The following LARP7 variants were observed in gnomAD, a reference collection of about 807,000 sequenced individuals.
The protein encoded by LARP7 is La ribonucleoprotein 7, transcriptional regulator, also known as la-related protein 7.
In LARP7, 52 loss-of-function variants were observed where a neutral mutation model predicts 69.3. The ratio of observed to expected loss-of-function variants is 0.75; its 90% confidence interval spans 0.60 to 0.95. LARP7 has a LOEUF of 0.95. Among genes scored for constraint, LARP7 ranks in the 40% least tolerant of loss-of-function variants. The probability of loss-of-function intolerance (pLI) is 0.00; values close to 1 mark genes in which losing one functional copy is unlikely to be tolerated. For missense variants in LARP7, 733 were observed against 673.0 expected, an observed-to-expected ratio of 1.09 and a Z score of -0.99; for synonymous variants, 254 against 215.9, an observed-to-expected ratio of 1.18 and a Z score of -1.55.
In LARP7 at chr4:112,646,636, A is replaced by G; in HGVS notation, c.352A>G (p.Arg118Gly). 1 of 1,605,274 alleles carries G rather than the reference A, an allele frequency of 6.2e-7. No individual in the cohort carries two copies. Among genetic ancestry groups the G allele is most frequent in the Non-Finnish European group, 8.5e-7 (1 of 1,175,322 alleles). The change falls in exon 4 of 13, where the codon AGA becomes GGA. Residue 118 changes from arginine to glycine, a missense_variant. By Grantham distance (125) the Arg-to-Gly change is moderately radical. Coordinates refer to ENST00000344442, the MANE Select transcript of LARP7 (RefSeq NM_016648.4). ...CCGGAGGAAAAAACCTCTGGGGGAA[A>G]GACCAAAGGATGAGGATGAACGCAC... ...RIRRKKPLGE[R>G]PKDEDERTVY...
chr4:112,651,105 G>A (rs2048711344), intron 10 of LARP7, among the ~76,000 whole-genome samples: 1 of 152,078 alleles, frequency 6.6e-6, no homozygotes, highest in Non-Finnish European at 1.5e-5. Flanking sequence ...ATACTTTTAG[G>A]TGAGAGTACC....
chr4:112,645,805 A>T (rs960192129), intron 2 of LARP7: 2 of 342,516 alleles, frequency 5.8e-6, no homozygotes, highest in African/African-American at 4.3e-5. Flanking sequence ...GCATTGAGCC[A>T]CCATCCCCAG....
intron 2 of LARP7, 116 bp from the exon 3 acceptor site, chr4:112,646,235 A>G (rs1578578784): frequency 3.8e-6 from 2 of 531,582 alleles, no homozygotes; most frequent in Non-Finnish European, 6.7e-6. Context: ...CTCCCAAAGT[A>G]CTAGGATTAC....
chr4:112,653,848 A>G (rs1013858036), intron 11 of LARP7, among the ~76,000 whole-genome samples: 3 of 152,134 alleles, frequency 2.0e-5, no homozygotes, highest in Admixed American at 2.0e-4. Flanking sequence ...ACCTCTGGTG[A>G]TCCTCCCTCC....
intron 4 of LARP7, 53 bp downstream of exon 4, chr4:112,646,724 ATTAAG>A (rs1205427666): frequency 6.4e-7 from 1 of 1,551,726 alleles, no homozygotes; most frequent in Non-Finnish European, 8.7e-7. Context: ...AAACAATATA[ATTAAG>A]TTAAAAATTT....
chr4:112,648,437 CT>C, intron 8 of LARP7: 1 of 534,488 alleles, frequency 1.9e-6, no homozygotes, highest in Admixed American at 1.9e-5. Context: ...AAGGGGATCC[CT>C]TCAAATGAGG....
At chr4:112,646,316 A>AGATGGGGTT (rs2048233599) in intron 2 of LARP7, 35 bp from the exon 3 acceptor site, 1 of 1,057,234 alleles carries the variant, frequency 9.5e-7, no homozygotes, top group Non-Finnish European at 1.4e-6. Context: ...AATCCTGCTG[A>AGATGGGGTT]TACACTAACA....
chr4:112,644,512 T>A, intron 1 of LARP7, 156 bp from the exon 2 acceptor site: 3 of 1,054,630 alleles, frequency 2.8e-6, no homozygotes, highest in Non-Finnish European at 3.8e-6. Flanking sequence ...AAATTTAATT[T>A]ATTAAATATA....
At chr4:112,657,149 A>T in intron 12 of LARP7, 98 bp from the exon 13 acceptor site, 1 of 519,316 alleles carries the variant, frequency 1.9e-6, no homozygotes, top group Non-Finnish European at 3.1e-6. Flanking sequence ...GATAGCTGTG[A>T]AATTTTTTCT....
chr4:112,643,164 C>G (rs1043236672), intron 1 of LARP7, among the ~76,000 whole-genome samples: 9 of 152,042 alleles, frequency 5.9e-5, no homozygotes, highest in Non-Finnish European at 7.4e-5. Flanking sequence ...GAAGGATAAA[C>G]AACAAAGAAA....
intron 8 of LARP7, among the ~76,000 whole-genome samples, chr4:112,649,057 A>C (rs2048567630): frequency 6.6e-6 from 1 of 152,126 alleles, no homozygotes; most frequent in Non-Finnish European, 1.5e-5. Flanking sequence ...CTGTTTGAAG[A>C]AGCATCTACA....
intron 10 of LARP7, 142 bp from the exon 11 acceptor site, chr4:112,652,935 T>C (rs185215764): frequency 4.3e-6 from 2 of 461,396 alleles, no homozygotes; most frequent in African/African-American, 4.0e-5. Context: ...ACAGGAAATA[T>C]TTGATACAGG....
chr4:112,644,841 C>T lies in LARP7; in HGVS notation c.172C>T (p.Arg58Ter). ...AAATCTTCACAAGGATAGATTTCTT[C>T]GAGAACAGATAGAAAAATCTAGAGA... ...DANLHKDRFL[R>*]EQIEKSRDGY... is the part of the protein sequence containing the mutation. The change falls in exon 2 of 13, where the codon CGA becomes TGA. Residue 58 changes from arginine to a stop codon, truncating the protein, a stop_gained. Coordinates refer to ENST00000344442, the MANE Select transcript of LARP7 (RefSeq NM_016648.4). LOFTEE classifies it high-confidence loss of function. 5.0e-6 allele frequency: 8 copies of T among 1,590,552 alleles called. No homozygotes were observed. Among genetic ancestry groups the T allele is most frequent in the South Asian group, 2.3e-5 (2 of 87,618 alleles).
At position 112,646,938 on chromosome 4, in the gene LARP7, G is replaced by T; in HGVS notation, c.535G>T (p.Ala179Ser). 1 of 1,601,056 alleles carries T rather than the reference G, an allele frequency of 6.2e-7. No individual in the cohort carries two copies. Among genetic ancestry groups the T allele is most frequent in the Admixed American group, 1.7e-5 (1 of 57,526 alleles). ...AFVEFETKEQ[A>S]AKAIEFLNNP... ...TGTGGAATTTGAAACAAAAGAACAA[G>T]CAGCAAAAGCAATTGAGGTAAGTCC... Residue 179 changes from alanine to serine, a missense_variant, in exon 5 of 13, where the codon GCA becomes TCA. By Grantham distance (99) the Ala-to-Ser change is moderately conservative. Transcript: ENST00000344442.
chr4:112,643,549 T>G (rs2048041416), intron 1 of LARP7, among the ~76,000 whole-genome samples: 1 of 152,148 alleles, frequency 6.6e-6, no homozygotes, highest in Non-Finnish European at 1.5e-5. Flanking sequence ...GAAGGCCACT[T>G]GAAAAGGCTG....
At chr4:112,655,456 A>G (rs1005889049) in intron 12 of LARP7, 1 of 152,234 alleles carries the variant, frequency 6.6e-6, no homozygotes, top group African/African-American at 2.4e-5. Context: ...TTAAGTAGCT[A>G]TGGAAGTAGC....
intron 8 of LARP7, chr4:112,648,795 T>C: frequency 4.1e-6 from 1 of 244,820 alleles, no homozygotes; most frequent in South Asian, 5.0e-5. Flanking sequence ...AAGGGCCTTT[T>C]GTTATTTTAA....
rs537562856 is a variant in LARP7 at position 112,637,148 on chromosome 4, A to C, written c.-94A>C. The stretch of plus-strand genomic sequence containing the variant: ...ACCGGAAAACGTTGTCGCTCATCCT[A>C]TGACGCGAAAGTAACCGAGACTATC... On this transcript the variant is annotated 5_prime_UTR_variant, in exon 1 of 13. An upstream start codon of the reference 5' UTR is lost. Coordinates refer to ENST00000344442, the MANE Select transcript of LARP7 (RefSeq NM_016648.4). 6.6e-6 allele frequency: 1 copy of C among 152,162 alleles called. No homozygotes were observed. Among genetic ancestry groups the C allele is most frequent in the Non-Finnish European group, 1.5e-5 (1 of 68,032 alleles). The allele number at this position is 152,162 out of a possible 1,614,324, so 9.4% of individuals were successfully genotyped here.
At chr4:112,646,761 A>T (rs2048284424) in intron 4 of LARP7, 30 bp from the exon 5 acceptor site, 1 of 1,560,780 alleles carries the variant, frequency 6.4e-7, no homozygotes, top group African/African-American at 1.4e-5. Flanking sequence ...GATTGTGAAA[A>T]ACTCTAATAT....
Sources: gnomAD v4.1 joint callset for allele counts (sites outside exome capture counted in the v4.1 genomes callset) on GRCh38, gnomAD v4.1.1 for gene constraint, MANE v1.5 for transcripts, NCBI Gene and HGNC (gene_info 2026-07-23, HGNC 2026-07-21) for gene names.